ERP44: variants seen among roughly 807,000 people sequenced by gnomAD.
ERP44 encodes endoplasmic reticulum protein 44.
A neutral mutation model predicts 53.4 loss-of-function variants in ERP44; 25 were observed. The ratio of observed to expected loss-of-function variants is 0.47; its 90% confidence interval spans 0.34 to 0.65. ERP44 has a LOEUF of 0.65. ERP44 is among the 30% of genes least tolerant of loss of function. The pLI is 0.01. For synonymous variants in ERP44, 145 were observed against 161.2 expected, an observed-to-expected ratio of 0.90 and a Z score of 0.76; for missense variants, 338 against 493.2, an observed-to-expected ratio of 0.69 and a Z score of 2.98.
At chr9:100,049,310 C>A (rs1200776807) in intron 4 of ERP44, among the ~76,000 whole-genome samples, 1 of 152,050 alleles carries the variant, frequency 6.6e-6, no homozygotes, top group African/African-American at 2.4e-5. Context: ...GGTGGAAAGG[C>A]CACTGGGGCC....
At chr9:100,006,110 CA>C (rs1482795654) in intron 10 of ERP44, among the ~76,000 whole-genome samples, 1 of 152,148 alleles carries the variant, frequency 6.6e-6, no homozygotes, top group East Asian at 1.9e-4. Context: ...CACGAATGAA[CA>C]GCAATATTAC....
chr9:100,035,463 G>A (rs1489909394), intron 4 of ERP44, among the ~76,000 whole-genome samples: 1 of 152,130 alleles, frequency 6.6e-6, no homozygotes. Context: ...ATCACCTGAG[G>A]TCAGGTGTTC....
At chr9:100,016,870 A>T (rs774128628) in intron 7 of ERP44, among the ~76,000 whole-genome samples, 3 of 152,186 alleles carry the variant, frequency 2.0e-5, no homozygotes, top group Non-Finnish European at 4.4e-5. Context: ...AACCTGTGAC[A>T]CCCAAGCCTA....
chr9:100,097,715 G>A (rs1391046327), intron 1 of ERP44, among the ~76,000 whole-genome samples: 2 of 152,128 alleles, frequency 1.3e-5, no homozygotes, highest in African/African-American at 4.8e-5. Context: ...CAAAAGAAAA[G>A]AAAGAACTAT....
rs1830124481 is a variant in ERP44 at position 99,979,511 on chromosome 9, A to C, written c.*3101T>G. The C allele has an allele frequency of 6.5e-6, 1 of 153,558 alleles. No individual in the cohort carries two copies. The highest frequency in any genetic ancestry group is 2.1e-4 in the South Asian group (1 of 4,840). The allele number at this position is 153,558 out of a possible 1,614,324, so 9.5% of individuals were successfully genotyped here. ...TCATCAGAGAGCTCTGAGATGCCTTAGATGCCCATTCTCTATCTTATTGGC... is the reference window on the plus strand; with the variant it reads ...TCATCAGAGAGCTCTGAGATGCCTTCGATGCCCATTCTCTATCTTATTGGC... On this transcript the variant is annotated 3_prime_UTR_variant, in exon 12 of 12. Transcript: ENST00000262455.
At chr9:99,998,856 T>C in intron 10 of ERP44, 1 of 1,418,544 alleles carries the variant, frequency 7.0e-7, no homozygotes, top group Non-Finnish European at 9.9e-7. Flanking sequence ...ATAGGTGTAG[T>C]TCTTCTAGCA....
At chr9:100,022,597 T>C (rs1469708958) in intron 4 of ERP44, among the ~76,000 whole-genome samples, 1 of 152,156 alleles carries the variant, frequency 6.6e-6, no homozygotes, top group Non-Finnish European at 1.5e-5. Flanking sequence ...GAATAATGAC[T>C]ACAAAAAACA....
At chr9:100,023,284 G>A (rs1161100528) in intron 4 of ERP44, among the ~76,000 whole-genome samples, 1 of 151,554 alleles carries the variant, frequency 6.6e-6, no homozygotes. Context: ...AAATGAGAGA[G>A]TGGTACCATA....
intron 3 of ERP44, among the ~76,000 whole-genome samples, chr9:100,054,427 G>A (rs547846201): frequency 3.3e-5 from 5 of 152,144 alleles, no homozygotes; most frequent in African/African-American, 7.2e-5. Context: ...GCTTAAGGGC[G>A]ACGTAAAAAA....
chr9:100,067,364 T>C (rs1474334782), intron 1 of ERP44, among the ~76,000 whole-genome samples: 3 of 141,748 alleles, frequency 2.1e-5, no homozygotes, highest in African/African-American at 9.0e-5. Flanking sequence ...CTGGTTTTCG[T>C]ATTTTTTTGG....
At chr9:100,006,116 T>C (rs141096215) in intron 10 of ERP44, among the ~76,000 whole-genome samples, 71 of 152,326 alleles carry the variant, frequency 4.7e-4, no homozygotes, top group African/African-American at 1.6e-3. Context: ...TGAACAGCAA[T>C]ATTACCAATT....
intron 1 of ERP44, among the ~76,000 whole-genome samples, chr9:100,064,508 CT>C (rs1268609146): frequency 2.6e-5 from 4 of 152,218 alleles, no homozygotes; most frequent in African/African-American, 9.6e-5. Flanking sequence ...AAGCACACCA[CT>C]TGGTGATGAT....
intron 11 of ERP44, among the ~76,000 whole-genome samples, chr9:99,983,952 C>A (rs552557558): frequency 6.6e-6 from 1 of 152,270 alleles, no homozygotes; most frequent in South Asian, 2.1e-4. Context: ...CAGGATAATA[C>A]AATAACGGTA....
chr9:100,025,021 T>G (rs545262688), intron 4 of ERP44, among the ~76,000 whole-genome samples: 1 of 152,204 alleles, frequency 6.6e-6, no homozygotes, highest in Non-Finnish European at 1.5e-5. Flanking sequence ...CCGGCTATGG[T>G]AAGATTGAGG....
At chr9:100,068,074 A>AG (rs1306429343) in intron 1 of ERP44, among the ~76,000 whole-genome samples, 3 of 124,186 alleles carry the variant, frequency 2.4e-5, no homozygotes, top group African/African-American at 9.5e-5. Flanking sequence ...TCCGGGAGGG[A>AG]GGTGGGGGAG....
intron 5 of ERP44, among the ~76,000 whole-genome samples, chr9:100,021,602 A>G (rs1229656341): frequency 1.3e-5 from 2 of 152,204 alleles, no homozygotes; most frequent in South Asian, 2.1e-4. Context: ...TTAAAACACT[A>G]CCTAGTGTAC....
chr9:100,097,433 TAAG>T (rs1826650509), intron 1 of ERP44, among the ~76,000 whole-genome samples: 1 of 152,122 alleles, frequency 6.6e-6, no homozygotes, highest in African/African-American at 2.4e-5. Context: ...CCAGTCTTCT[TAAG>T]GAGAGAGTGG....
At position 99,979,666 on chromosome 9, in the gene ERP44, T is replaced by C; in HGVS notation, c.*2946A>G. On this transcript the variant is annotated 3_prime_UTR_variant, in exon 12 of 12. Transcript: ENST00000262455. ...TGGCTAAGAAGCAGAAAGGCCCCCT[T>C]TTGGTTCTGGGGACTCAACCGTGTT... 1 of 321,434 alleles carries C rather than the reference T, an allele frequency of 3.1e-6. No individual in the cohort carries two copies. 19.9% of individuals were successfully genotyped at this position (321,434 alleles called of 1,614,324 possible). A position where few individuals can be genotyped will look rare whatever the true frequency, so the allele number is the denominator to read the frequency against.
At chr9:100,028,483 T>G (rs1441330125) in intron 4 of ERP44, among the ~76,000 whole-genome samples, 2 of 152,238 alleles carry the variant, frequency 1.3e-5, no homozygotes, top group Middle Eastern at 3.2e-3. Context: ...TGTGTGCATA[T>G]GTACATGCAT....
Sources: allele counts gnomAD v4.1 joint callset (sites outside exome capture counted in the v4.1 genomes callset), GRCh38; gene constraint gnomAD v4.1.1; transcripts MANE v1.5; gene names NCBI Gene and HGNC (gene_info 2026-07-23, HGNC 2026-07-21).